SLC35F1: variants seen among roughly 807,000 people sequenced by gnomAD.
SLC35F1 encodes solute carrier family 35 member F1, also known as chromosome 6 open reading frame 169.
Under a neutral mutation model 48.7 loss-of-function variants are expected in SLC35F1, and 14 were observed. The ratio of observed to expected loss-of-function variants is 0.29; its 90% confidence interval spans 0.19 to 0.45. The LOEUF is 0.45. SLC35F1 is among the 20% of genes least tolerant of loss of function. SLC35F1 has a pLI of 1.00. For synonymous variants in SLC35F1, 190 were observed against 202.2 expected (o/e 0.94, Z 0.51); for missense variants, 404 against 500.0 (o/e 0.81, Z 1.83).
At chr6:118,236,915 G>GA (rs1726995452) in intron 3 of SLC35F1, among the ~76,000 whole-genome samples, 1 of 152,130 alleles carries the variant, frequency 6.6e-6, no homozygotes, top group South Asian at 2.1e-4. Flanking sequence ...TTCCTTGTAT[G>GA]AAATCCTTTC....
At position 118,316,355 on chromosome 6, in the gene SLC35F1, T is replaced by C. The variant is rs1204345186; in HGVS notation, c.*2103T>C. ...AAAGCTCTATCAAATCAAAACAACTTTGCCAACATCTTCTCTCTGCTACCT... is the reference window on the plus strand; with the variant it reads ...AAAGCTCTATCAAATCAAAACAACTCTGCCAACATCTTCTCTCTGCTACCT... On this transcript the variant is annotated 3_prime_UTR_variant, in exon 8 of 8. Transcript: ENST00000360388. The C allele has an allele frequency of 2.6e-5, 4 of 152,772 alleles. No homozygotes were observed. The highest frequency in any genetic ancestry group is 5.9e-5 in the Non-Finnish European group (4 of 68,026). The allele number at this position is 152,772 out of a possible 1,614,324, so 9.5% of individuals were successfully genotyped here.
At chr6:118,312,970 A>G (rs190756) in intron 7 of SLC35F1, among the ~76,000 whole-genome samples, 105,878 of 151,984 alleles carry the variant, frequency 0.7, 37,514 homozygotes, top group Middle Eastern at 0.8. Context: ...TGGGATATTA[A>G]CTATTGACTG....
Position 118,235,655 on chromosome 6 carries a change from C to T in SLC35F1, c.477+19C>T, listed in dbSNP as rs1350995738. 2 of 1,607,404 alleles carry T rather than the reference C, an allele frequency of 1.2e-6. No homozygotes were observed. Among genetic ancestry groups the T allele is most frequent in the Non-Finnish European group, 1.7e-6 (2 of 1,177,538 alleles). On this transcript the variant is annotated intron_variant, in intron 3 of 7. Transcript: ENST00000360388. Reference sequence around the variant, plus strand: ...TATCCAGGTACCCATGGTTCTTCTTCCCTTCTCAACTTCCTCTATCCAGAT... The same window carrying T: ...TATCCAGGTACCCATGGTTCTTCTTTCCTTCTCAACTTCCTCTATCCAGAT...
chr6:118,238,529 T>A (rs973753253), intron 3 of SLC35F1, among the ~76,000 whole-genome samples: 1 of 152,074 alleles, frequency 6.6e-6, no homozygotes. Flanking sequence ...TGGCCAAATG[T>A]CTTAATAATG....
At chr6:118,061,766 C>A (rs1263938117) in intron 1 of SLC35F1, among the ~76,000 whole-genome samples, 1 of 152,086 alleles carries the variant, frequency 6.6e-6, no homozygotes, top group Non-Finnish European at 1.5e-5. Context: ...TGGGATGAAA[C>A]TGTTCCACCT....
At chr6:118,277,280 C>G (rs187931057) in intron 5 of SLC35F1, among the ~76,000 whole-genome samples, 1 of 152,154 alleles carries the variant, frequency 6.6e-6, no homozygotes, top group African/African-American at 2.4e-5. Context: ...CCCAGGGCCC[C>G]GTGGCACACC....
At chr6:118,010,230 T>G (rs1305914890) in intron 1 of SLC35F1, among the ~76,000 whole-genome samples, 1 of 152,196 alleles carries the variant, frequency 6.6e-6, no homozygotes, top group Non-Finnish European at 1.5e-5. Context: ...GACCTAAGTA[T>G]AAATCTGGGA....
At chr6:118,231,045 G>A (rs933102782) in intron 2 of SLC35F1, among the ~76,000 whole-genome samples, 4 of 151,858 alleles carry the variant, frequency 2.6e-5, no homozygotes, top group Non-Finnish European at 4.4e-5. Flanking sequence ...GAGGAAGGAG[G>A]GATGGAAATG....
chr6:118,276,655 T>C (rs73514293), intron 5 of SLC35F1, among the ~76,000 whole-genome samples: 7,587 of 152,278 alleles, frequency 0.05, 661 homozygotes, highest in African/African-American at 0.17. Flanking sequence ...AAAGGAATTA[T>C]CTAGTTCAAC....
intron 1 of SLC35F1, among the ~76,000 whole-genome samples, chr6:118,028,112 A>G (rs1369464757): frequency 6.6e-6 from 1 of 152,144 alleles, no homozygotes; most frequent in African/African-American, 2.4e-5. Context: ...TTCAAATGCA[A>G]AATCCAAAAT....
At chr6:118,185,952 T>C (rs1242876893) in intron 2 of SLC35F1, among the ~76,000 whole-genome samples, 1 of 152,236 alleles carries the variant, frequency 6.6e-6, no homozygotes, top group East Asian at 1.9e-4. Flanking sequence ...TTTGTTTTTA[T>C]TCAACTCTGC....
At chr6:117,946,175 ATACT>A (rs1423701167) in intron 1 of SLC35F1, among the ~76,000 whole-genome samples, 6 of 152,154 alleles carry the variant, frequency 3.9e-5, no homozygotes, top group African/African-American at 1.4e-4. Flanking sequence ...CTGTTTCCAG[ATACT>A]TTTTTTTTGG....
In SLC35F1 at chr6:118,235,578, T is replaced by G; in HGVS notation, c.419T>G (p.Leu140Arg). 6.2e-7 allele frequency: 1 copy of G among 1,613,576 alleles called. No individual in the cohort carries two copies. ...TACATGATTTTGGGACTCATAGACC[T>G]GGAAGCAAATTATCTGGTGGTCAAG... ...WKYMILGLID[L>R]EANYLVVKAY... is the part of the protein sequence containing the mutation. The change falls in exon 3 of 8, where the codon CTG (leucine) becomes CGG (arginine). Residue 140 changes from leucine to arginine, a missense_variant. Physicochemically the swap from Leu to Arg is moderately radical, Grantham distance 102. This residue lies in a region of SLC35F1 where 306 missense variants were observed against 419.1 expected (regional missense o/e 0.73). Transcript: ENST00000360388.
In SLC35F1 at chr6:118,263,704, T is replaced by C. The variant is rs373995825; in HGVS notation, c.478-3291T>C. ...TGTTTGTTTGTTTGTTTGTTTTCTTTTTTAACAGTTTCAGTTATAATGCTT... is the reference window on the plus strand; with the variant it reads ...TGTTTGTTTGTTTGTTTGTTTTCTTCTTTAACAGTTTCAGTTATAATGCTT... On this transcript the variant is annotated intron_variant, in intron 3 of 7. Coordinates refer to ENST00000360388, the MANE Select transcript of SLC35F1 (RefSeq NM_001029858.4). Among the ~76,000 whole-genome samples, 15 of 152,386 alleles carry C rather than the reference T, an allele frequency of 9.8e-5. No individual in the cohort carries two copies. The East Asian group carries it at 2.3e-3, about 23-fold the overall frequency.
intron 4 of SLC35F1, among the ~76,000 whole-genome samples, chr6:118,268,615 T>A (rs1281744032): frequency 7.8e-5 from 10 of 128,248 alleles, no homozygotes; most frequent in African/African-American, 2.0e-4. Context: ...TTTTTTTTTT[T>A]TTTTTTTTTT....
intron 1 of SLC35F1, among the ~76,000 whole-genome samples, chr6:117,979,653 A>G (rs1348586139): frequency 6.6e-6 from 1 of 152,202 alleles, no homozygotes; most frequent in African/African-American, 2.4e-5. Context: ...CTTAAAGCAC[A>G]GAGAGTTAAA....
intron 1 of SLC35F1, among the ~76,000 whole-genome samples, chr6:118,039,404 G>T (rs1772179159): frequency 6.6e-6 from 1 of 151,880 alleles, no homozygotes; most frequent in African/African-American, 2.4e-5. Context: ...TACATAATCT[G>T]AGACGTGCTT....
At chr6:118,124,192 C>G (rs1246713404) in intron 1 of SLC35F1, among the ~76,000 whole-genome samples, 1 of 152,100 alleles carries the variant, frequency 6.6e-6, no homozygotes, top group Non-Finnish European at 1.5e-5. Context: ...CAAGTTATGA[C>G]CTTGGATTAT....
intron 1 of SLC35F1, among the ~76,000 whole-genome samples, chr6:117,976,838 G>A (rs1041312536): frequency 3.3e-5 from 5 of 152,036 alleles, no homozygotes; most frequent in Non-Finnish European, 5.9e-5. Flanking sequence ...CACAGTTAAC[G>A]TTGGGGCATA....
Sources: allele counts gnomAD v4.1 joint callset (sites outside exome capture counted in the v4.1 genomes callset), GRCh38; gene constraint gnomAD v4.1.1; regional missense constraint gnomAD v4.1.1; transcripts MANE v1.5; gene names NCBI Gene and HGNC (gene_info 2026-07-23, HGNC 2026-07-21).